The following C1orf21 variants were observed in gnomAD, a reference collection of about 807,000 sequenced individuals.
C1orf21 encodes uncharacterized protein C1orf21.
Under a neutral mutation model 18.7 loss-of-function variants are expected in C1orf21, and 3 were observed. That is an observed-to-expected ratio of 0.16 (90% confidence interval 0.07 to 0.42). The LOEUF is 0.42. Among genes scored for constraint, C1orf21 ranks in the 10% least tolerant of loss-of-function variants. C1orf21 has a pLI of 0.99. For missense variants in C1orf21, 104 were observed against 143.6 expected, an observed-to-expected ratio of 0.72 and a Z score of 1.41; for synonymous variants, 41 against 46.4, an observed-to-expected ratio of 0.88 and a Z score of 0.47.
intron 2 of C1orf21, among the ~76,000 whole-genome samples, chr1:184,482,493 G>A (rs1657673051): frequency 2.6e-5 from 4 of 152,162 alleles, no homozygotes; most frequent in Admixed American, 6.5e-5. Flanking sequence ...GGAGACCAAC[G>A]CCCATTGCAA....
chr1:184,483,428 A>G (rs1461056340), intron 2 of C1orf21, among the ~76,000 whole-genome samples: 2 of 152,340 alleles, frequency 1.3e-5, no homozygotes, highest in South Asian at 2.1e-4. Flanking sequence ...GCTTGAGATC[A>G]TGATCTCTCC....
At position 184,439,821 on chromosome 1, in the gene C1orf21, T is replaced by G. The variant is rs576834892; in HGVS notation, c.-124-37565T>G. On this transcript the variant is annotated intron_variant, in intron 1 of 5. Coordinates refer to ENST00000235307, the MANE Select transcript of C1orf21 (RefSeq NM_030806.4). ...AAAAAACCAAAACCATTATGGGCTA[T>G]TGTCTTATGTTTTGGAGTTACAAAG... Among the ~76,000 whole-genome samples, 227 of 152,306 alleles carry G rather than the reference T, an allele frequency of 1.5e-3. 1 individual carries two copies. Among genetic ancestry groups the G allele is most frequent in the African/African-American group, 5.1e-3 (211 of 41,580 alleles).
At chr1:184,439,719 G>A (rs923427915) in intron 1 of C1orf21, among the ~76,000 whole-genome samples, 12 of 152,276 alleles carry the variant, frequency 7.9e-5, no homozygotes, top group Middle Eastern at 3.4e-3. Flanking sequence ...GGGAGGCTGA[G>A]GCAAGAGGAT....
At chr1:184,574,953 G>A (rs1571284360) in intron 3 of C1orf21, among the ~76,000 whole-genome samples, 1 of 152,334 alleles carries the variant, frequency 6.6e-6, no homozygotes, top group East Asian at 1.9e-4. Context: ...AAATTCGAGG[G>A]CAAGTGTGAA....
At chr1:184,605,510 T>C (rs1313401971) in intron 5 of C1orf21, among the ~76,000 whole-genome samples, 1 of 152,082 alleles carries the variant, frequency 6.6e-6, no homozygotes, top group East Asian at 1.9e-4. Flanking sequence ...AGGCAGGAAA[T>C]GTTACCTGGA....
At chr1:184,550,697 G>A (rs1658800726) in intron 3 of C1orf21, among the ~76,000 whole-genome samples, 1 of 152,086 alleles carries the variant, frequency 6.6e-6, no homozygotes, top group Admixed American at 6.6e-5. Context: ...ACCTAGCCTG[G>A]CTAATTTTTC....
intron 3 of C1orf21, among the ~76,000 whole-genome samples, chr1:184,537,030 C>A (rs906843473): frequency 6.6e-6 from 1 of 151,954 alleles, no homozygotes; most frequent in African/African-American, 2.4e-5. Context: ...TTGCATAGCC[C>A]AGGTTATATA....
chr1:184,456,898 G>A (rs1247504530), intron 1 of C1orf21, among the ~76,000 whole-genome samples: 1 of 152,146 alleles, frequency 6.6e-6, no homozygotes, highest in Non-Finnish European at 1.5e-5. Flanking sequence ...GGGGTGCTCA[G>A]TATAATGTTG....
At chr1:184,402,125 TTAAA>T (rs1656162592) in intron 1 of C1orf21, among the ~76,000 whole-genome samples, 1 of 152,216 alleles carries the variant, frequency 6.6e-6, no homozygotes, top group Non-Finnish European at 1.5e-5. Flanking sequence ...TTAATTAAAA[TTAAA>T]TAAAACTGAA....
chr1:184,547,420 C>CTTT (rs34169321), intron 3 of C1orf21, among the ~76,000 whole-genome samples: 6,553 of 102,642 alleles, frequency 0.064, 332 homozygotes, highest in African/African-American at 0.089. Flanking sequence ...TACATCCAGA[C>CTTT]TTTTTTTTTT....
chr1:184,525,603 C>T (rs1369521154), intron 3 of C1orf21, among the ~76,000 whole-genome samples: 2 of 152,084 alleles, frequency 1.3e-5, no homozygotes, highest in Admixed American at 6.6e-5. Flanking sequence ...CTGGTGTTAA[C>T]TGACCAGAAG....
chr1:184,611,794 G>A (rs1659739594), intron 5 of C1orf21, among the ~76,000 whole-genome samples: 1 of 152,116 alleles, frequency 6.6e-6, no homozygotes, highest in African/African-American at 2.4e-5. Flanking sequence ...AGGCTGTCAA[G>A]GAAGGATAAC....
chr1:184,438,370 A>G (rs1272393535), intron 1 of C1orf21, among the ~76,000 whole-genome samples: 1 of 152,232 alleles, frequency 6.6e-6, no homozygotes, highest in African/African-American at 2.4e-5. Flanking sequence ...TGCATCACCC[A>G]GGGAAGTCCT....
intron 1 of C1orf21, among the ~76,000 whole-genome samples, chr1:184,464,691 G>A (rs1285518696): frequency 1.3e-5 from 2 of 151,754 alleles, no homozygotes; most frequent in Non-Finnish European, 2.9e-5. Flanking sequence ...AGGAAGACAT[G>A]GAATGGTGTA....
At chr1:184,400,676 A>AT (rs1198710642) in intron 1 of C1orf21, among the ~76,000 whole-genome samples, 7 of 148,284 alleles carry the variant, frequency 4.7e-5, no homozygotes, top group African/African-American at 1.8e-4. Context: ...TTAGTGGGGA[A>AT]TTTTTTGTTG....
At chr1:184,545,298 T>A (rs1184493999) in intron 3 of C1orf21, among the ~76,000 whole-genome samples, 1 of 152,196 alleles carries the variant, frequency 6.6e-6, no homozygotes, top group Admixed American at 6.5e-5. Flanking sequence ...ATAAAAAATC[T>A]GTATGTGCAG....
intron 2 of C1orf21, among the ~76,000 whole-genome samples, chr1:184,505,272 C>CA (rs1557989002): frequency 7.5e-6 from 1 of 133,560 alleles, no homozygotes; most frequent in East Asian, 2.2e-4. Context: ...ATCCTACAGA[C>CA]AAAATCATAG....
At chr1:184,421,167 C>A (rs1245172026) in intron 1 of C1orf21, among the ~76,000 whole-genome samples, 1 of 152,160 alleles carries the variant, frequency 6.6e-6, no homozygotes, top group Admixed American at 6.5e-5. Context: ...TACTCTGTCA[C>A]CCAGGCTGGA....
At chr1:184,427,294 T>G (rs1656657645) in intron 1 of C1orf21, among the ~76,000 whole-genome samples, 1 of 152,194 alleles carries the variant, frequency 6.6e-6, no homozygotes, top group Admixed American at 6.5e-5. Context: ...CTCTACTGGT[T>G]TAGTTTCCTG....
Sources: allele counts gnomAD v4.1 joint callset (sites outside exome capture counted in the v4.1 genomes callset), GRCh38; gene constraint gnomAD v4.1.1; transcripts MANE v1.5; gene names NCBI Gene and HGNC (gene_info 2026-07-23, HGNC 2026-07-21).